The following ZNF148 variants were observed in gnomAD, a reference collection of about 807,000 sequenced individuals.
ZNF148 encodes zinc finger protein 148, also known as Beta-Enolase Repressor Factor-1.
A neutral mutation model predicts 67.7 loss-of-function variants in ZNF148; 7 were observed. The ratio of observed to expected loss-of-function variants is 0.10; its 90% CI spans 0.06 to 0.19. The LOEUF is 0.19. Among genes scored for constraint, ZNF148 ranks in the 10% least tolerant of loss-of-function variants. The pLI is 1.00. For missense variants in ZNF148, 583 were observed against 947.1 expected (o/e 0.62, Z 5.05); for synonymous variants, 333 against 330.7 (o/e 1.01, Z -0.08).
intron 5 of ZNF148, among the ~76,000 whole-genome samples, chr3:125,281,627 T>C (rs746943428): frequency 6.6e-6 from 1 of 152,206 alleles, no homozygotes; most frequent in Non-Finnish European, 1.5e-5. Flanking sequence ...AGCCCTTTTA[T>C]GAAGAGTTAA....
intron 1 of ZNF148, among the ~76,000 whole-genome samples, chr3:125,352,500 A>G (rs1401265953): frequency 6.6e-6 from 1 of 152,066 alleles, no homozygotes; most frequent in African/African-American, 2.4e-5. Context: ...AAACAACTGA[A>G]CTGTATAGCT....
intron 5 of ZNF148, among the ~76,000 whole-genome samples, chr3:125,285,764 A>G (rs769218470): frequency 6.6e-6 from 1 of 152,132 alleles, no homozygotes; most frequent in Non-Finnish European, 1.5e-5. Context: ...AGAATTCTCT[A>G]AAGGGCTACC....
chr3:125,306,658 C>G (rs1560157443), intron 4 of ZNF148, among the ~76,000 whole-genome samples: 1 of 151,814 alleles, frequency 6.6e-6, no homozygotes, highest in Non-Finnish European at 1.5e-5. Context: ...GAGTTCAAGA[C>G]AAGTCTGGAC....
intron 2 of ZNF148, among the ~76,000 whole-genome samples, chr3:125,327,516 A>C (rs552999806): frequency 1.3e-5 from 2 of 152,356 alleles, no homozygotes; most frequent in South Asian, 4.1e-4. Flanking sequence ...AAATGGATTG[A>C]AGTCATAAAA....
At chr3:125,281,217 G>T (rs773169367) in intron 5 of ZNF148, among the ~76,000 whole-genome samples, 29 of 152,164 alleles carry the variant, frequency 1.9e-4, no homozygotes, top group Non-Finnish European at 3.8e-4. Context: ...ATGGAAGTGG[G>T]TGTCACAGCT....
At chr3:125,298,882 C>T (rs2048961994) in intron 4 of ZNF148, among the ~76,000 whole-genome samples, 1 of 152,112 alleles carries the variant, frequency 6.6e-6, no homozygotes, top group African/African-American at 2.4e-5. Context: ...CCGCCTCGGC[C>T]TCCCAAAGTG....
At chr3:125,370,305 G>A (rs899594344) in intron 1 of ZNF148, among the ~76,000 whole-genome samples, 2 of 151,918 alleles carry the variant, frequency 1.3e-5, no homozygotes, top group East Asian at 3.9e-4. Context: ...TGTCCTTCAC[G>A]CTGTCAAACA....
intron 7 of ZNF148, among the ~76,000 whole-genome samples, chr3:125,244,622 T>C (rs894033443): frequency 6.6e-5 from 10 of 151,996 alleles, no homozygotes; most frequent in Non-Finnish European, 1.3e-4. Context: ...CTCAGCCTCC[T>C]GAGTAGCTGG....
intron 1 of ZNF148, among the ~76,000 whole-genome samples, chr3:125,374,671 G>C (rs566250593): frequency 1.3e-4 from 19 of 151,960 alleles, no homozygotes; most frequent in East Asian, 3.9e-4. Context: ...AGCACACTCC[G>C]GCAGCAACAG....
At chr3:125,353,834 G>A (rs1942247948) in intron 1 of ZNF148, among the ~76,000 whole-genome samples, 1 of 152,058 alleles carries the variant, frequency 6.6e-6, no homozygotes, top group Admixed American at 6.6e-5. Flanking sequence ...AGCACTTTGG[G>A]AAGCCAAAGC....
In ZNF148 at chr3:125,230,697, T is replaced by TA. The variant is rs1935821186; in HGVS notation, c.*1643dup. On this transcript the variant is annotated 3_prime_UTR_variant, in exon 9 of 9. Transcript: ENST00000360647. Reference sequence around the variant, plus strand: ...TATTGAAACAAAGACTGCAGAGCTATAGGGCCAGTATAAGAGTCAAAATGG... The same window carrying TA: ...TATTGAAACAAAGACTGCAGAGCTATAAGGGCCAGTATAAGAGTCAAAATGG... 1 of 152,446 alleles carries TA rather than the reference T, an allele frequency of 6.6e-6. No individual in the cohort carries two copies. Among genetic ancestry groups the TA allele is most frequent in the Non-Finnish European group, 1.5e-5 (1 of 67,968 alleles). 9.4% of individuals were successfully genotyped at this position (152,446 alleles called of 1,614,324 possible).
chr3:125,316,427 T>C (rs898500294), intron 3 of ZNF148, among the ~76,000 whole-genome samples: 18 of 152,200 alleles, frequency 1.2e-4, no homozygotes, highest in African/African-American at 4.1e-4. Context: ...ACCAAACTTT[T>C]CTCCACAGTG....
chr3:125,258,159 A>C (rs1440388720), intron 7 of ZNF148, among the ~76,000 whole-genome samples: 4 of 152,038 alleles, frequency 2.6e-5, no homozygotes, highest in Non-Finnish European at 5.9e-5. Flanking sequence ...GCGGTGGCTC[A>C]CGCCTGTAAT....
intron 7 of ZNF148, among the ~76,000 whole-genome samples, chr3:125,259,487 C>T (rs904528375): frequency 6.6e-6 from 1 of 152,170 alleles, no homozygotes; most frequent in African/African-American, 2.4e-5. Flanking sequence ...GGAGATATTG[C>T]AGGTTCAGTT....
At chr3:125,239,720 C>T (rs764122571) in intron 7 of ZNF148, among the ~76,000 whole-genome samples, 50 of 152,166 alleles carry the variant, frequency 3.3e-4, no homozygotes, top group Non-Finnish European at 5.4e-4. Context: ...GTATTCATAG[C>T]GGCATTATTC....
chr3:125,260,011 G>A (rs761300622), intron 7 of ZNF148, among the ~76,000 whole-genome samples: 1 of 152,166 alleles, frequency 6.6e-6, no homozygotes, highest in African/African-American at 2.4e-5. Flanking sequence ...TGGGGTCACA[G>A]TAGAGGCAGA....
intron 5 of ZNF148, among the ~76,000 whole-genome samples, chr3:125,283,223 C>G (rs533677848): frequency 2.0e-5 from 3 of 152,258 alleles, no homozygotes; most frequent in African/African-American, 7.2e-5. Flanking sequence ...CTGTCCTGGT[C>G]ATCGTTAATA....
intron 7 of ZNF148, among the ~76,000 whole-genome samples, chr3:125,270,978 T>A (rs1393679677): frequency 6.6e-6 from 1 of 152,208 alleles, no homozygotes; most frequent in Non-Finnish European, 1.5e-5. Context: ...CCATTTGTTT[T>A]AAAAAAATTT....
rs34843090 is a variant in ZNF148 at position 125,371,658 on chromosome 3, C to CAA, written c.-234+3442_-234+3443dup. The stretch of plus-strand genomic sequence containing the variant: ...TGAGCGACAAAGCTAGACTCCGTCC[C>CAA]AAAAAAAAAAAAAAAAAAGAATTGC... On this transcript the variant is annotated intron_variant, in intron 1 of 8. Coordinates refer to ENST00000360647, the MANE Select transcript of ZNF148 (RefSeq NM_021964.3). Among the ~76,000 whole-genome samples the CAA allele has an allele frequency of 4.1e-4, 21 of 51,122 alleles. 3 individuals are homozygous for CAA. The highest frequency in any genetic ancestry group is 5.6e-4 in the Non-Finnish European group (14 of 25,210). The allele number at this position is 51,122 out of a possible 152,430, so 33.5% of individuals were successfully genotyped here. A position where few individuals can be genotyped will look rare whatever the true frequency, so the allele number is the denominator to read the frequency against.
Sources: allele counts gnomAD v4.1 joint callset (sites outside exome capture counted in the v4.1 genomes callset), GRCh38; gene constraint gnomAD v4.1.1; transcripts MANE v1.5; gene names NCBI Gene and HGNC (gene_info 2026-07-23, HGNC 2026-07-21).